Variants in FAM161B observed in about 807,000 individuals in gnomAD.
FAM161B encodes FAM161 centrosomal protein B.
In FAM161B, 46 loss-of-function variants were observed where a neutral mutation model predicts 61.5. That is an observed-to-expected ratio of 0.75 (90% CI 0.59 to 0.96). The LOEUF (loss-of-function observed/expected upper bound fraction) is 0.96. Ranked by LOEUF, FAM161B falls within the 40% of genes least tolerant of loss-of-function variation. The probability of loss-of-function intolerance (pLI) is 0.00; values close to 1 mark genes in which losing one functional copy is unlikely to be tolerated. For synonymous variants in FAM161B, 284 were observed against 302.7 expected, an observed-to-expected ratio of 0.94 and a Z score of 0.64; for missense variants, 774 against 800.7, an observed-to-expected ratio of 0.97 and a Z score of 0.40.
intron 5 of FAM161B, among the ~76,000 whole-genome samples, chr14:73,939,402 T>C (rs2064050446): frequency 2.0e-5 from 3 of 152,244 alleles, no homozygotes; most frequent in African/African-American, 7.2e-5. Context: ...CTGAGCTCCT[T>C]ATTATGAACC....
chr14:73,924,011 A>G, the FAM161B span, among the ~76,000 whole-genome samples: 6 of 152,202 alleles, frequency 3.9e-5, no homozygotes, highest in African/African-American at 1.4e-4. Context: ...AAAAGGTAGT[A>G]ACAAAATCAT....
At chr14:73,942,799 A>G in intron 3 of FAM161B, 84 bp from the exon 4 acceptor site, 1 of 1,257,958 alleles carries the variant, frequency 7.9e-7, no homozygotes, top group Non-Finnish European at 1.1e-6. Context: ...TTTACACACT[A>G]GCTGTAAGTG....
chr14:73,930,476 C>G (rs537115143), downstream of FAM161B, among the ~76,000 whole-genome samples: 6 of 151,206 alleles, frequency 4.0e-5, 1 homozygote, highest in South Asian at 1.3e-3. Flanking sequence ...TCATTAAATT[C>G]TACTGTATAA....
At position 73,936,100 on chromosome 14, in the gene FAM161B, A is replaced by G. The variant is rs1313001125; in HGVS notation, c.1666-12T>C. ...TTCTTGGCTAGATCCTGTGGGATGGAAATTAATCTGTTGTAGCTGTCTTAT... is the reference window on the plus strand; with the variant it reads ...TTCTTGGCTAGATCCTGTGGGATGGGAATTAATCTGTTGTAGCTGTCTTAT... On this transcript the variant is annotated splice_polypyrimidine_tract_variant and intron_variant, in intron 7 of 8. Coordinates refer to ENST00000286544, the MANE Select transcript of FAM161B (RefSeq NM_152445.3). The G allele has an allele frequency of 1.9e-6, 3 of 1,597,468 alleles. No individual in the cohort carries two copies. The highest frequency in any genetic ancestry group is 2.7e-5 in the African/African-American group (2 of 74,444).
intron 1 of FAM161B, among the ~76,000 whole-genome samples, chr14:73,948,714 A>C (rs116035882): frequency 0.015 from 2,360 of 152,286 alleles, 61 homozygotes; most frequent in African/African-American, 0.053. Flanking sequence ...CATCGCCCTT[A>C]AAAGAAATGC....
intron 8 of FAM161B, 117 bp from the exon 9 acceptor site, chr14:73,934,511 C>A: frequency 1.1e-6 from 1 of 935,238 alleles, no homozygotes; most frequent in Non-Finnish European, 1.5e-6. Context: ...CCTGGACAGC[C>A]CAGCTGAAGC....
At chr14:73,937,900 G>T in intron 6 of FAM161B, 48 bp downstream of exon 6, 2 of 1,610,658 alleles carry the variant, frequency 1.2e-6, no homozygotes, top group Non-Finnish European at 1.7e-6. Flanking sequence ...CCAGTGGTCT[G>T]TTGGATCCCA....
At chr14:73,946,710 G>C (rs924003645) in intron 1 of FAM161B, 105 bp from the exon 2 acceptor site, 28 of 1,195,354 alleles carry the variant, frequency 2.3e-5, no homozygotes, top group South Asian at 6.1e-5. Flanking sequence ...TAGGGACTGG[G>C]GAGAATTTGG....
chr14:73,943,955 C>T (rs1242690435), intron 3 of FAM161B, among the ~76,000 whole-genome samples: 1 of 151,960 alleles, frequency 6.6e-6, no homozygotes, highest in Non-Finnish European at 1.5e-5. Context: ...ACTACCTCAC[C>T]AGGACGAAGG....
downstream of FAM161B, chr14:73,931,671 C>G (rs1408689471): frequency 6.3e-6 from 5 of 787,878 alleles, no homozygotes; most frequent in East Asian, 1.3e-4. Flanking sequence ...TTTTGCCACT[C>G]TTCCTCTTTC....
intron 7 of FAM161B, among the ~76,000 whole-genome samples, chr14:73,936,760 T>C (rs1409272402): frequency 6.6e-6 from 1 of 152,090 alleles, no homozygotes; most frequent in African/African-American, 2.4e-5. Flanking sequence ...GAAAGATTTA[T>C]GGAGGGAGGA....
In FAM161B at chr14:73,934,179, C is replaced by G; in HGVS notation, c.*77G>C. On this transcript the variant is annotated 3_prime_UTR_variant, in exon 9 of 9. Coordinates refer to ENST00000286544, the MANE Select transcript of FAM161B (RefSeq NM_152445.3). The stretch of plus-strand genomic sequence containing the variant: ...CTAACAGTAGCCATGACTCAAAACC[C>G]AAGTTTTCCCTGCCTTGACTCAAAC... 1 of 1,546,468 alleles carries G rather than the reference C, an allele frequency of 6.5e-7. No homozygotes were observed. The highest frequency in any genetic ancestry group is 8.7e-7 in the Non-Finnish European group (1 of 1,145,592).
At chr14:73,924,694 T>C in the FAM161B span, 2 of 449,816 alleles carry the variant, frequency 4.4e-6, no homozygotes, top group South Asian at 1.6e-5. Flanking sequence ...TTTTTTTTTT[T>C]GAGACAGAGT....
At position 73,938,213 on chromosome 14, in the gene FAM161B, C is replaced by T. The variant is rs540431208; in HGVS notation, c.1401-101G>A. The stretch of plus-strand genomic sequence containing the variant: ...GTGGCTCACACTTGTAGTCCTAGCA[C>T]TTTGGGAGGCCAAGGCAGGTGGATC... On this transcript the variant is annotated intron_variant, in intron 5 of 8. Coordinates refer to ENST00000286544, the MANE Select transcript of FAM161B (RefSeq NM_152445.3). 1.0e-4 allele frequency: 143 copies of T among 1,388,286 alleles called. No homozygotes were observed. In the African/African-American group the frequency reaches 2.0e-3, roughly 20 times the overall value. 86.0% of individuals were successfully genotyped at this position (1,388,286 alleles called of 1,614,324 possible).
chr14:73,949,663 T>G lies in FAM161B; in HGVS notation c.54+310A>C, dbSNP rs984878916. On this transcript the variant is annotated intron_variant, in intron 1 of 8. Coordinates refer to ENST00000286544, the MANE Select transcript of FAM161B (RefSeq NM_152445.3). The stretch of plus-strand genomic sequence containing the variant: ...CGTGAACCACCACGCCCGGCCAAAT[T>G]TGGGGAGCAATTTTCTTAATCTCTT... Among the ~76,000 whole-genome samples, 4 of 151,712 alleles carry G rather than the reference T, an allele frequency of 2.6e-5. No individual in the cohort carries two copies. In the East Asian group the frequency reaches 5.8e-4, roughly 22 times the overall value.
Position 73,949,957 on chromosome 14 carries a change from T to C in FAM161B, c.54+16A>G. On this transcript the variant is annotated intron_variant, in intron 1 of 8. Coordinates refer to ENST00000286544, the MANE Select transcript of FAM161B (RefSeq NM_152445.3). ...CGGGATTCCTTTCCCGGGGGCAGTC[T>C]CTTTTCTCTCCTCACCTGACGGCTC... The C allele has an allele frequency of 6.2e-7, 1 of 1,613,210 alleles. No individual in the cohort carries two copies. The highest frequency in any genetic ancestry group is 8.5e-7 in the Non-Finnish European group (1 of 1,179,808).
At chr14:73,941,822 C>T (rs2056021718) in intron 4 of FAM161B, among the ~76,000 whole-genome samples, 1 of 152,202 alleles carries the variant, frequency 6.6e-6, no homozygotes, top group East Asian at 1.9e-4. Flanking sequence ...TCTCCTACCT[C>T]AGCCTCTGAA....
chr14:73,939,061 G>A (rs2055995695), intron 5 of FAM161B, among the ~76,000 whole-genome samples: 2 of 152,102 alleles, frequency 1.3e-5, no homozygotes, highest in Admixed American at 1.3e-4. Context: ...CACTTTGGGA[G>A]GCTGAGGCGG....
chr14:73,931,321 T>C (rs2055910925), downstream of FAM161B, among the ~76,000 whole-genome samples: 1 of 152,200 alleles, frequency 6.6e-6, no homozygotes, highest in African/African-American at 2.4e-5. Context: ...ATGGCTAAAG[T>C]GCTGTCCCAA....
Sources: allele counts gnomAD v4.1 joint callset (sites outside exome capture counted in the v4.1 genomes callset), GRCh38; gene constraint gnomAD v4.1.1; transcripts MANE v1.5; gene names NCBI Gene and HGNC (gene_info 2026-07-23, HGNC 2026-07-21).